ZNF428: variants seen among roughly 807,000 people sequenced by gnomAD.
The protein encoded by ZNF428 is enzyme-like protein PIT13.
A neutral mutation model predicts 15.6 loss-of-function variants in ZNF428; 5 were observed. The observed-to-expected ratio is 0.32, with a 90% confidence interval of 0.17 to 0.67. ZNF428 has a LOEUF of 0.67. ZNF428 is among the 30% of genes least tolerant of loss of function. The pLI is 0.73. For missense variants in ZNF428, 237 were observed against 256.0 expected (o/e 0.93, Z 0.51); for synonymous variants, 97 against 102.2 (o/e 0.95, Z 0.31).
intron 1 of ZNF428, among the ~76,000 whole-genome samples, chr19:43,618,255 G>C (rs1036834840): frequency 6.7e-6 from 1 of 148,588 alleles, no homozygotes; most frequent in Non-Finnish European, 1.5e-5. Context: ...GGATGATCTC[G>C]ATCTCCTGAC....
chr19:43,613,968 CT>C, intron 2 of ZNF428: 4 of 1,551,490 alleles, frequency 2.6e-6, no homozygotes, highest in Non-Finnish European at 3.5e-6. Flanking sequence ...AAGGAGAAAG[CT>C]CATAGCCGAT....
chr19:43,607,544 C>T lies in ZNF428; in HGVS notation c.*73G>A. The T allele has an allele frequency of 6.7e-7, 1 of 1,502,752 alleles. No homozygotes were observed. The allele number at this position is 1,502,752 out of a possible 1,614,324, so 93.1% of individuals were successfully genotyped here. On this transcript the variant is annotated 3_prime_UTR_variant, in exon 3 of 3. Coordinates refer to ENST00000300811, the MANE Select transcript of ZNF428 (RefSeq NM_182498.4). The surrounding 1 kb of genome is among the most constrained non-coding windows in gnomAD (Gnocchi z 5.1). ...GTACCCCATCCCCCATGACCACTGT[C>T]ACAACCCCAATTTCCTCAGCCCCCT...
chr19:43,613,886 G>A (rs369572378), intron 2 of ZNF428: 252 of 1,549,554 alleles, frequency 1.6e-4, no homozygotes, highest in Admixed American at 2.2e-4. Context: ...AAGCTCCAGC[G>A]AGGAGAGAGA....
intron 1 of ZNF428, among the ~76,000 whole-genome samples, chr19:43,618,300 T>C (rs1005574544): frequency 6.6e-6 from 1 of 151,954 alleles, no homozygotes; most frequent in Non-Finnish European, 1.5e-5. Context: ...CCCAAAGTGC[T>C]GGGATTACAG....
chr19:43,617,711 T>G (rs1186056929), intron 1 of ZNF428, among the ~76,000 whole-genome samples: 1 of 152,230 alleles, frequency 6.6e-6, no homozygotes, highest in African/African-American at 2.4e-5. Flanking sequence ...TGTTTGTTTT[T>G]GGGTTTTTGT....
chr19:43,610,285 C>T (rs548682388), intron 2 of ZNF428, among the ~76,000 whole-genome samples: 218 of 151,796 alleles, frequency 1.4e-3, no homozygotes, highest in African/African-American at 4.5e-3. Context: ...CTGGAAACTC[C>T]GCCTCCTGGG....
Position 43,612,448 on chromosome 19 carries a change from G to A in ZNF428, c.76+1781C>T. 1 of 1,551,488 alleles carries A rather than the reference G, an allele frequency of 6.4e-7. No individual in the cohort carries two copies. Among genetic ancestry groups the A allele is most frequent in the Non-Finnish European group, 8.7e-7 (1 of 1,146,952 alleles). ...GCAAAGCCAGCAAGGCCAGCGACGT[G>A]AGATGCCACCAGCGGAGGGGCACAC... On this transcript the variant is annotated intron_variant, in intron 2 of 2. Coordinates refer to ENST00000300811, the MANE Select transcript of ZNF428 (RefSeq NM_182498.4). The surrounding 1 kb of genome is among the most constrained non-coding windows in gnomAD (Gnocchi z 4.2).
At position 43,612,300 on chromosome 19, in the gene ZNF428, G is replaced by C; in HGVS notation, c.76+1929C>G. 1 of 1,551,662 alleles carries C rather than the reference G, an allele frequency of 6.4e-7. No homozygotes were observed. The highest frequency in any genetic ancestry group is 8.7e-7 in the Non-Finnish European group (1 of 1,146,990). On this transcript the variant is annotated intron_variant, in intron 2 of 2. Transcript: ENST00000300811. The surrounding 1 kb of genome is among the most constrained non-coding windows in gnomAD (Gnocchi z 4.2). ...TCCCGTAACTCAGTCATGAGCCCAAGCAGTTCCAAGTCCACCAAATCGACC... is the reference window on the plus strand; with the variant it reads ...TCCCGTAACTCAGTCATGAGCCCAACCAGTTCCAAGTCCACCAAATCGACC...
In ZNF428 at chr19:43,607,389, AC is replaced by A. The variant is rs2099406454; in HGVS notation, c.*227del. 4 of 529,962 alleles carry A rather than the reference AC, an allele frequency of 7.5e-6. No individual in the cohort carries two copies. Among genetic ancestry groups the A allele is most frequent in the African/African-American group, 4.2e-5 (2 of 48,100 alleles). The allele number at this position is 529,962 out of a possible 1,614,324, so 32.8% of individuals were successfully genotyped here. On this transcript the variant is annotated 3_prime_UTR_variant, in exon 3 of 3. Transcript: ENST00000300811. The surrounding 1 kb of genome is among the most constrained non-coding windows in gnomAD (Gnocchi z 5.1). The stretch of plus-strand genomic sequence containing the variant: ...AGGGGGAATACACACACACACACAC[AC>A]ACACAAACACACACACGGGCGGGAA...
Position 43,612,556 on chromosome 19 carries a change from A to G in ZNF428, c.76+1673T>C, listed in dbSNP as rs200590643. ...GCAGGGCCAGCACTCCTGGCAGGATAAGAACTCATGGTGCCAGACCAGGCA... is the reference window on the plus strand; with the variant it reads ...GCAGGGCCAGCACTCCTGGCAGGATGAGAACTCATGGTGCCAGACCAGGCA... On this transcript the variant is annotated intron_variant, in intron 2 of 2. Coordinates refer to ENST00000300811, the MANE Select transcript of ZNF428 (RefSeq NM_182498.4). This position sits in a 1 kb window ranked among gnomAD's most constrained non-coding sequence, Gnocchi z 4.2. 6.9e-4 allele frequency: 1,076 copies of G among 1,551,510 alleles called. 6 individuals carry two copies. The highest frequency in any genetic ancestry group is 9.6e-4 in the Admixed American group (49 of 50,980).
At chr19:43,618,097 C>T (rs552688269) in intron 1 of ZNF428, among the ~76,000 whole-genome samples, 1 of 130,170 alleles carries the variant, frequency 7.7e-6, no homozygotes, top group Non-Finnish European at 1.5e-5. Context: ...TGCAGTGGCA[C>T]GATCTCGGCT....
At position 43,612,079 on chromosome 19, in the gene ZNF428, G is replaced by A. The variant is rs963509196; in HGVS notation, c.76+2150C>T. The A allele has an allele frequency of 4.2e-6, 6 of 1,443,988 alleles. No homozygotes were observed. The African/African-American group carries it at 4.2e-5, about 10-fold the overall frequency. 89.4% of individuals were successfully genotyped at this position (1,443,988 alleles called of 1,614,324 possible). ...CGTCCACGGCTACCAGGTGTTTCAT[G>A]TCTACTGTGACTTCCAGGACCACAA... On this transcript the variant is annotated intron_variant, in intron 2 of 2. Transcript: ENST00000300811. The surrounding 1 kb of genome is among the most constrained non-coding windows in gnomAD (Gnocchi z 4.2).
chr19:43,616,450 C>T (rs1973372599), intron 1 of ZNF428, among the ~76,000 whole-genome samples: 1 of 152,180 alleles, frequency 6.6e-6, no homozygotes, highest in Non-Finnish European at 1.5e-5. Flanking sequence ...AACTCACGTA[C>T]TCCCCATAAC....
chr19:43,616,110 A>C (rs1438369504), intron 1 of ZNF428, among the ~76,000 whole-genome samples: 2 of 152,216 alleles, frequency 1.3e-5, no homozygotes, highest in African/African-American at 4.8e-5. Context: ...CATTATAACA[A>C]GAGACTGTAA....
rs771615677 is a variant in ZNF428, at chr19:43,607,762, G to T, written c.422C>A (p.Ala141Asp). ...CCGCCCAGCTGGTCGGCCCTCCCCA[G>T]CCCGAGGTGGTTCCTCCTCTTCCTC... is the stretch of plus-strand genomic sequence containing the variant. ...LGEEEEEPPR[A>D]GEGRPAGREE... The change falls in exon 3 of 3, where the codon GCT becomes GAT. Residue 141 changes from alanine to aspartate, a missense_variant. Physicochemically the swap from Ala to Asp is moderately radical, Grantham distance 126 (BLOSUM62 -2). Transcript: ENST00000300811. This position sits in a 1 kb window ranked among gnomAD's most constrained non-coding sequence, Gnocchi z 5.1. 3 of 1,607,466 alleles carry T rather than the reference G, an allele frequency of 1.9e-6. No homozygotes were observed. Among genetic ancestry groups the T allele is most frequent in the Non-Finnish European group, 1.7e-6 (2 of 1,177,062 alleles).
chr19:43,610,380 A>G (rs1438963248), intron 2 of ZNF428, among the ~76,000 whole-genome samples: 1 of 151,830 alleles, frequency 6.6e-6, no homozygotes, highest in African/African-American at 2.4e-5. Context: ...TTGTATTTTT[A>G]GTAGAGACGG....
At position 43,607,396 on chromosome 19, in the gene ZNF428, A is replaced by AAC; in HGVS notation, c.*219_*220dup. On this transcript the variant is annotated 3_prime_UTR_variant, in exon 3 of 3. Transcript: ENST00000300811. The surrounding 1 kb of genome is among the most constrained non-coding windows in gnomAD (Gnocchi z 5.1). ...ATACACACACACACACACACACACA[A>AAC]ACACACACACGGGCGGGAATACACA... 1 of 529,016 alleles carries AAC rather than the reference A, an allele frequency of 1.9e-6. No individual in the cohort carries two copies. Among genetic ancestry groups the AAC allele is most frequent in the Non-Finnish European group, 3.2e-6 (1 of 317,106 alleles). 32.8% of individuals were successfully genotyped at this position (529,016 alleles called of 1,614,324 possible).
intron 2 of ZNF428, among the ~76,000 whole-genome samples, chr19:43,610,831 T>A (rs1973287748): frequency 6.6e-6 from 1 of 151,976 alleles, no homozygotes; most frequent in African/African-American, 2.4e-5. Flanking sequence ...AGGCAGCCAG[T>A]CACTTTTTTT....
intron 2 of ZNF428, among the ~76,000 whole-genome samples, chr19:43,610,114 C>T: frequency 6.6e-6 from 1 of 151,978 alleles, no homozygotes; most frequent in East Asian, 1.9e-4. Context: ...TGTCACTCTC[C>T]ATTCCATGTC....
Sources: gnomAD v4.1 joint callset for allele counts (sites outside exome capture counted in the v4.1 genomes callset) on GRCh38, gnomAD v4.1.1 for gene constraint, Gnocchi (gnomAD v3.1) non-coding constraint, MANE v1.5 for transcripts, NCBI Gene and HGNC (gene_info 2026-07-23, HGNC 2026-07-21) for gene names.